EIF3H: variants seen among roughly 807,000 people sequenced by gnomAD.
EIF3H encodes eIF-3-gamma.
Under a neutral mutation model 44.2 loss-of-function variants are expected in EIF3H, and 26 were observed. The ratio of observed to expected loss-of-function variants is 0.59; its 90% CI spans 0.43 to 0.82. The LOEUF is 0.82. Ranked by LOEUF, EIF3H falls within the 40% of genes least tolerant of loss-of-function variation. EIF3H has a pLI of 0.00. For missense variants in EIF3H, 359 were observed against 432.8 expected (o/e 0.83, Z 1.51); for synonymous variants, 166 against 151.9 (o/e 1.09, Z -0.68).
intron 2 of EIF3H, among the ~76,000 whole-genome samples, chr8:116,692,992 T>C (rs1426878410): frequency 1.3e-5 from 2 of 152,176 alleles, no homozygotes; most frequent in Non-Finnish European, 1.5e-5. Flanking sequence ...AATTAATTTA[T>C]ATATGCCAAA....
chr8:116,733,227 G>C lies in EIF3H; in HGVS notation c.133-7055C>G, dbSNP rs145539840. Among the ~76,000 whole-genome samples the C allele has an allele frequency of 4.2e-4, 64 of 152,306 alleles. 1 individual carries two copies. The East Asian group carries it at 0.012, about 29-fold the overall frequency. ...CACAGGAGAAAGTATTGGAGGTTAGGGGGCAGAGCTTCTCTGGGCCTGCAT... is the reference window on the plus strand; with the variant it reads ...CACAGGAGAAAGTATTGGAGGTTAGCGGGCAGAGCTTCTCTGGGCCTGCAT... On this transcript the variant is annotated intron_variant, in intron 1 of 7. Transcript: ENST00000521861.
At chr8:116,740,682 TGAGTAA>T (rs1214559943) in intron 1 of EIF3H, among the ~76,000 whole-genome samples, 1 of 152,106 alleles carries the variant, frequency 6.6e-6, no homozygotes, top group Non-Finnish European at 1.5e-5. Flanking sequence ...ATGTAATGTT[TGAGTAA>T]AAGAAAAAAA....
chr8:116,679,399 G>C (rs1311646687), intron 2 of EIF3H, among the ~76,000 whole-genome samples: 10 of 69,058 alleles, frequency 1.4e-4, no homozygotes, highest in African/African-American at 3.6e-4. Context: ...GCCCCGTCCG[G>C]GAGGGAGGTG....
chr8:116,726,085 C>A lies in EIF3H; in HGVS notation c.220G>T (p.Asp74Tyr). Residue 74 changes from aspartate to tyrosine, a missense_variant, in exon 2 of 8, where the codon GAT becomes TAT. Physicochemically the swap from Asp to Tyr is radical, Grantham distance 160 (BLOSUM62 -3). Coordinates refer to ENST00000521861, the MANE Select transcript of EIF3H (RefSeq NM_003756.3). ...AAGCAGTTGGTAATTTCAAGCCGAT[C>A]TTCTACAACCAGACCCAAAAGCACT... ...QGVLLGLVVEDRLEITNCFPF... is the reference protein window; with the variant it reads ...QGVLLGLVVEYRLEITNCFPF... 6.2e-7 allele frequency: 1 copy of A among 1,614,120 alleles called. No homozygotes were observed.
chr8:116,760,239 T>G (rs1408474098), upstream of EIF3H, among the ~76,000 whole-genome samples: 1 of 152,208 alleles, frequency 6.6e-6, no homozygotes, highest in Non-Finnish European at 1.5e-5. Flanking sequence ...ATTGAAACAA[T>G]ACACTTTTTG....
chr8:116,755,976 T>G (rs1409704369), upstream of EIF3H: 1 of 1,536,134 alleles, frequency 6.5e-7, no homozygotes, highest in African/African-American at 1.4e-5. Context: ...GTATCCTTTG[T>G]GCATGCCTAC....
At chr8:116,748,706 C>T (rs11996147) in intron 1 of EIF3H, among the ~76,000 whole-genome samples, 35,658 of 152,054 alleles carry the variant, frequency 0.23, 5,348 homozygotes, top group African/African-American at 0.43. Context: ...AAATAAGCAA[C>T]AAGTAAAAAG....
intron 3 of EIF3H, chr8:116,657,574 A>G (rs575172296): frequency 5.9e-5 from 26 of 440,788 alleles, no homozygotes; most frequent in African/African-American, 4.9e-4. Context: ...TTATTTTCAA[A>G]TTCATTCCTC....
intron 1 of EIF3H, among the ~76,000 whole-genome samples, chr8:116,755,210 G>A (rs976078585): frequency 6.6e-6 from 1 of 152,210 alleles, no homozygotes; most frequent in African/African-American, 2.4e-5. Context: ...AAGCGCCGAA[G>A]TACAGGCTCA....
At chr8:116,697,128 T>C (rs569982104) in intron 2 of EIF3H, 2 of 456,318 alleles carry the variant, frequency 4.4e-6, no homozygotes, top group South Asian at 3.1e-5. Flanking sequence ...ACTCTCTTAG[T>C]GTCCAACCAA....
chr8:116,673,787 T>C (rs1813795653), intron 2 of EIF3H, among the ~76,000 whole-genome samples: 1 of 152,078 alleles, frequency 6.6e-6, no homozygotes, highest in Non-Finnish European at 1.5e-5. Flanking sequence ...AGAGGAATAC[T>C]TGGGCCGGGC....
At chr8:116,756,037 T>C, upstream of EIF3H, 1 of 1,525,190 alleles carries the variant, frequency 6.6e-7, no homozygotes, top group Non-Finnish European at 8.8e-7. Context: ...GAAAGTAAAC[T>C]TTTTAAATGT....
intron 2 of EIF3H, among the ~76,000 whole-genome samples, chr8:116,688,732 T>TAGTA (rs111318625): frequency 6.6e-6 from 1 of 151,772 alleles, no homozygotes; most frequent in Non-Finnish European, 1.5e-5. Flanking sequence ...GCTTCATAAT[T>TAGTA]ATTAAGTTGT....
intron 2 of EIF3H, among the ~76,000 whole-genome samples, chr8:116,690,271 A>G (rs990747652): frequency 6.6e-6 from 1 of 152,214 alleles, no homozygotes; most frequent in Admixed American, 6.5e-5. Flanking sequence ...AAATACAGCA[A>G]TATAAAACTA....
chr8:116,714,727 A>T (rs1196183263), intron 2 of EIF3H, among the ~76,000 whole-genome samples: 2 of 151,990 alleles, frequency 1.3e-5, no homozygotes, highest in Non-Finnish European at 2.9e-5. Context: ...AAAGAAAGAG[A>T]GTTTTGAAAA....
chr8:116,759,784 T>C (rs1815500128), upstream of EIF3H, among the ~76,000 whole-genome samples: 1 of 151,994 alleles, frequency 6.6e-6, no homozygotes, highest in African/African-American at 2.4e-5. Context: ...GGCTGGAGTG[T>C]AATGGCACGA....
intron 2 of EIF3H, among the ~76,000 whole-genome samples, chr8:116,720,725 G>C (rs1814729394): frequency 6.6e-6 from 1 of 152,134 alleles, no homozygotes; most frequent in Non-Finnish European, 1.5e-5. Flanking sequence ...CCAGGCTGAG[G>C]TGATCTCAGA....
chr8:116,655,181 T>C (rs993460536), intron 5 of EIF3H, among the ~76,000 whole-genome samples: 4 of 151,720 alleles, frequency 2.6e-5, no homozygotes, highest in Non-Finnish European at 2.9e-5. Context: ...TTAAGAGTAA[T>C]AGATGAGGGG....
intron 2 of EIF3H, among the ~76,000 whole-genome samples, chr8:116,712,044 C>G (rs889280807): frequency 6.6e-6 from 1 of 152,206 alleles, no homozygotes; most frequent in African/African-American, 2.4e-5. Flanking sequence ...AAAGTGAGAG[C>G]AGATGAGCTT....
Sources: gnomAD v4.1 joint callset for allele counts (sites outside exome capture counted in the v4.1 genomes callset) on GRCh38, gnomAD v4.1.1 for gene constraint, MANE v1.5 for transcripts, NCBI Gene and HGNC (gene_info 2026-07-23, HGNC 2026-07-21) for gene names.